Variants in AFDN observed in about 807,000 individuals in gnomAD.
AFDN encodes afadin.
AFDN carries 68 observed loss-of-function variants against 216.6 expected under a neutral mutation model. The observed-to-expected ratio is 0.31, with a 90% confidence interval of 0.26 to 0.38. AFDN has a LOEUF of 0.38. Ranked by LOEUF, AFDN falls within the 10% of genes least tolerant of loss-of-function variation. AFDN has a pLI of 1.00. For synonymous variants in AFDN, 868 were observed against 853.7 expected (o/e 1.02, Z -0.29); for missense variants, 2,136 against 2,342.0 (o/e 0.91, Z 1.82).
chr6:167,827,782 C>T (rs778268705), intron 1 of AFDN: 9 of 152,114 alleles, frequency 5.9e-5, no homozygotes, highest in African/African-American at 2.2e-4. Context: ...TGGCACAGGC[C>T]CGGAGTCGGA....
chr6:167,968,875 T>C lies in AFDN; in HGVS notation c.5258-239T>C, dbSNP rs151289872. ...GCCAGTGGGCAGTATTCCTCCCTCATAGTGAAGGGCGTCAGGTCAACATTT... is the reference window on the plus strand; with the variant it reads ...GCCAGTGGGCAGTATTCCTCCCTCACAGTGAAGGGCGTCAGGTCAACATTT... On this transcript the variant is annotated intron_variant, in intron 32 of 33. Coordinates refer to ENST00000683244, the MANE Select transcript of AFDN (RefSeq NM_001386888.1). The C allele has an allele frequency of 3.9e-5, 18 of 464,608 alleles. No individual in the cohort carries two copies. The East Asian group carries it at 7.1e-4, about 18-fold the overall frequency. The allele number at this position is 464,608 out of a possible 1,614,324, so 28.8% of individuals were successfully genotyped here.
At chr6:167,923,668 A>G (rs1187522723) in intron 22 of AFDN, among the ~76,000 whole-genome samples, 1 of 126,132 alleles carries the variant, frequency 7.9e-6, no homozygotes. Context: ...TCAGTCGCCC[A>G]GGCTGAAATG....
chr6:167,826,566 T>TCTGCACCGCGCGTCCGGACC (rs1312598061), upstream of AFDN: 1 of 514,546 alleles, frequency 1.9e-6, no homozygotes, highest in African/African-American at 2.1e-5. Context: ...CCGTCCGGAC[T>TCTGCACCGCGCGTCCGGACC]CTGCACCGCG....
At position 167,934,017 on chromosome 6, in the gene AFDN, G is replaced by T. The variant is rs1011102098; in HGVS notation, c.3099+8926G>T. 2.6e-5 allele frequency among the ~76,000 whole-genome samples: 4 copies of T among 152,336 alleles called. No homozygotes were observed. The East Asian group carries it at 5.8e-4, about 22-fold the overall frequency. On this transcript the variant is annotated intron_variant, in intron 23 of 33. Transcript: ENST00000683244. ...GTCAGGAGTGTCAGGCTCACCTCCA[G>T]TGGTCTCTTGTGCCTGAAAATCTGC...
At chr6:167,926,704 A>G (rs1792582272) in intron 23 of AFDN, among the ~76,000 whole-genome samples, 1 of 152,166 alleles carries the variant, frequency 6.6e-6, no homozygotes, top group African/African-American at 2.4e-5. Flanking sequence ...CCAAAGTGCT[A>G]ACAAAGCTTT....
chr6:167,884,058 A>G (rs903431113), intron 6 of AFDN, among the ~76,000 whole-genome samples: 2 of 152,246 alleles, frequency 1.3e-5, no homozygotes, highest in Non-Finnish European at 2.9e-5. Context: ...CATCTTCACC[A>G]GGAGTTGATT....
chr6:167,953,252 G>A (rs1210170667), intron 30 of AFDN, among the ~76,000 whole-genome samples: 1 of 152,064 alleles, frequency 6.6e-6, no homozygotes, highest in African/African-American at 2.4e-5. Context: ...GCTCTACCAG[G>A]AGCTATTAGG....
intron 6 of AFDN, among the ~76,000 whole-genome samples, chr6:167,883,958 A>C (rs1786465316): frequency 1.3e-5 from 2 of 152,248 alleles, no homozygotes; most frequent in Non-Finnish European, 1.5e-5. Flanking sequence ...TCGGAATTGA[A>C]GTCAGTCCTC....
intron 3 of AFDN, among the ~76,000 whole-genome samples, chr6:167,871,259 A>G (rs1784762149): frequency 6.6e-6 from 1 of 152,148 alleles, no homozygotes; most frequent in Non-Finnish European, 1.5e-5. Flanking sequence ...TACTGTGCTT[A>G]GTGATGTGTC....
At chr6:167,891,257 A>C (rs1787535687) in intron 8 of AFDN, among the ~76,000 whole-genome samples, 1 of 152,334 alleles carries the variant, frequency 6.6e-6, no homozygotes, top group South Asian at 2.1e-4. Flanking sequence ...ATGGACAAAG[A>C]TGAGTATTCA....
At chr6:167,871,777 A>G (rs1784824974) in intron 3 of AFDN, among the ~76,000 whole-genome samples, 1 of 152,210 alleles carries the variant, frequency 6.6e-6, no homozygotes, top group Non-Finnish European at 1.5e-5. Flanking sequence ...GTTAAAAACT[A>G]CTATAGGCGA....
At chr6:167,863,999 G>C (rs1783878695) in intron 1 of AFDN, among the ~76,000 whole-genome samples, 1 of 152,012 alleles carries the variant, frequency 6.6e-6, no homozygotes, top group Non-Finnish European at 1.5e-5. Flanking sequence ...CACATTAATG[G>C]TTGGGACCAA....
intron 1 of AFDN, among the ~76,000 whole-genome samples, chr6:167,835,614 G>T: frequency 6.6e-6 from 1 of 152,136 alleles, no homozygotes; most frequent in Non-Finnish European, 1.5e-5. Flanking sequence ...AAAAAAGTTT[G>T]CATGGTAGTA....
At chr6:167,878,771 C>T (rs2300080) in intron 5 of AFDN, among the ~76,000 whole-genome samples, 45,931 of 152,060 alleles carry the variant, frequency 0.3, 7,990 homozygotes, top group East Asian at 0.6. Context: ...TCGCTCTGTC[C>T]GTACTGGCCA....
At chr6:167,879,647 G>A (rs948323399) in intron 5 of AFDN, among the ~76,000 whole-genome samples, 3 of 152,194 alleles carry the variant, frequency 2.0e-5, no homozygotes, top group Non-Finnish European at 4.4e-5. Context: ...ACATATACAT[G>A]TAGATTTCCA....
chr6:167,911,993 T>A (rs1790464387), intron 15 of AFDN: 1 of 169,730 alleles, frequency 5.9e-6, no homozygotes, highest in Admixed American at 5.5e-5. Flanking sequence ...AAAATGGTTC[T>A]CAAAAGTCAC....
intron 23 of AFDN, among the ~76,000 whole-genome samples, chr6:167,942,036 T>TA (rs1390138664): frequency 6.6e-6 from 1 of 152,240 alleles, no homozygotes; most frequent in African/African-American, 2.4e-5. Flanking sequence ...GTTTTATGCT[T>TA]ACAAAATTTG....
intron 23 of AFDN, among the ~76,000 whole-genome samples, chr6:167,938,416 A>C (rs575716475): frequency 6.6e-6 from 1 of 152,326 alleles, no homozygotes; most frequent in African/African-American, 2.4e-5. Context: ...GCTGTGCTTC[A>C]GGAAATGTGA....
intron 1 of AFDN, among the ~76,000 whole-genome samples, chr6:167,828,573 T>C (rs958935599): frequency 6.6e-6 from 1 of 152,208 alleles, no homozygotes; most frequent in African/African-American, 2.4e-5. Context: ...ATGAGTTAGG[T>C]TCTAGTAAGG....
Sources: allele counts gnomAD v4.1 joint callset (sites outside exome capture counted in the v4.1 genomes callset), GRCh38; gene constraint gnomAD v4.1.1; transcripts MANE v1.5; gene names NCBI Gene and HGNC (gene_info 2026-07-23, HGNC 2026-07-21).